SGCD: variants seen among roughly 807,000 people sequenced by gnomAD.
SGCD encodes delta-sarcoglycan.
In SGCD, 18 loss-of-function variants were observed where a neutral mutation model predicts 36.6. The ratio of observed to expected loss-of-function variants is 0.49; its 90% CI spans 0.34 to 0.73. The LOEUF (loss-of-function observed/expected upper bound fraction) is 0.73, where lower values mean the gene tolerates loss of function less well. Among genes scored for constraint, SGCD ranks in the 30% least tolerant of loss-of-function variants. The pLI, the probability that SGCD is intolerant of heterozygous loss-of-function variation, is 0.01. For missense variants in SGCD, 387 were observed against 346.7 expected (o/e 1.12, Z -0.92); for synonymous variants, 133 against 130.6 (o/e 1.02, Z -0.12).
intron 1 of SGCD, among the ~76,000 whole-genome samples, chr5:155,920,276 A>G (rs1756847339): frequency 6.6e-6 from 1 of 152,200 alleles, no homozygotes; most frequent in Non-Finnish European, 1.5e-5. Context: ...AGAATTGACA[A>G]TACTTATTGA....
At chr5:156,598,469 G>T (rs905521708) in intron 6 of SGCD, among the ~76,000 whole-genome samples, 6 of 152,210 alleles carry the variant, frequency 3.9e-5, no homozygotes, top group African/African-American at 1.4e-4. Flanking sequence ...TTGAACCCAG[G>T]TGGTGGAGGT....
chr5:155,948,589 C>T (rs1757487472), intron 1 of SGCD, among the ~76,000 whole-genome samples: 1 of 152,190 alleles, frequency 6.6e-6, no homozygotes, highest in South Asian at 2.1e-4. Context: ...CTCTCTTCTA[C>T]AATAAGCGGC....
chr5:156,268,263 C>A (rs1766054857), intron 3 of SGCD, among the ~76,000 whole-genome samples: 1 of 152,080 alleles, frequency 6.6e-6, no homozygotes, highest in African/African-American at 2.4e-5. Context: ...GATTCCATGT[C>A]TTTGCTATTG....
chr5:156,270,166 T>A (rs538872313), intron 3 of SGCD, among the ~76,000 whole-genome samples: 1 of 152,306 alleles, frequency 6.6e-6, no homozygotes, highest in East Asian at 1.9e-4. Context: ...TTGTTGAAGA[T>A]CAGATGGTCA....
intron 1 of SGCD, among the ~76,000 whole-genome samples, chr5:155,945,230 T>C (rs1757416311): frequency 6.6e-6 from 1 of 152,178 alleles, no homozygotes; most frequent in Admixed American, 6.5e-5. Context: ...ACTAACTGGC[T>C]TGGAGTAGAC....
chr5:156,477,181 G>A (rs1297785193), intron 3 of SGCD, among the ~76,000 whole-genome samples: 4 of 151,884 alleles, frequency 2.6e-5, no homozygotes, highest in Non-Finnish European at 2.9e-5. Context: ...TAGTATTGTC[G>A]AGCCCCATTG....
chr5:156,474,547 C>A (rs568281798), intron 3 of SGCD, among the ~76,000 whole-genome samples: 12 of 152,292 alleles, frequency 7.9e-5, no homozygotes, highest in African/African-American at 2.6e-4. Context: ...CCAAGCTTGC[C>A]GACAGCTCTC....
intron 1 of SGCD, among the ~76,000 whole-genome samples, chr5:156,032,189 C>T (rs1759361766): frequency 6.6e-6 from 1 of 151,250 alleles, no homozygotes; most frequent in Admixed American, 6.6e-5. Flanking sequence ...TGTCAATAAA[C>T]ATACTTCTAC....
At chr5:156,668,315 C>G (rs1364937353) in intron 7 of SGCD, among the ~76,000 whole-genome samples, 1 of 152,216 alleles carries the variant, frequency 6.6e-6, no homozygotes, top group Non-Finnish European at 1.5e-5. Flanking sequence ...TTCCTTTCCT[C>G]TTGTATCCCA....
At chr5:156,691,401 C>T (rs1448234097) in intron 7 of SGCD, among the ~76,000 whole-genome samples, 3 of 152,040 alleles carry the variant, frequency 2.0e-5, no homozygotes, top group Non-Finnish European at 4.4e-5. Flanking sequence ...ATGTAGAGCA[C>T]TTGCATTGCA....
intron 3 of SGCD, among the ~76,000 whole-genome samples, chr5:156,242,329 G>A (rs1226467016): frequency 6.6e-6 from 1 of 152,140 alleles, no homozygotes; most frequent in East Asian, 1.9e-4. Flanking sequence ...AAAGGTGGTG[G>A]TGGTTTAGGA....
intron 3 of SGCD, among the ~76,000 whole-genome samples, chr5:156,469,852 T>C (rs1291666769): frequency 6.6e-6 from 1 of 152,188 alleles, no homozygotes; most frequent in East Asian, 1.9e-4. Context: ...GAAGAAATGC[T>C]ATGAGGGACA....
chr5:156,718,220 G>C (rs1277712348), intron 7 of SGCD, among the ~76,000 whole-genome samples: 1 of 152,012 alleles, frequency 6.6e-6, no homozygotes, highest in Non-Finnish European at 1.5e-5. Context: ...TTTAGCATGA[G>C]GCCTGACATA....
chr5:156,262,923 G>GTGTGTA (rs1765903798), intron 3 of SGCD, among the ~76,000 whole-genome samples: 1 of 145,608 alleles, frequency 6.9e-6, no homozygotes, highest in Non-Finnish European at 1.5e-5. Flanking sequence ...GTGTGTGTGT[G>GTGTGTA]TATACATATA....
At chr5:156,200,784 C>T (rs1162598835) in intron 3 of SGCD, among the ~76,000 whole-genome samples, 2 of 152,140 alleles carry the variant, frequency 1.3e-5, no homozygotes, top group Non-Finnish European at 2.9e-5. Flanking sequence ...GACATATTCA[C>T]ACACCTATGT....
At chr5:155,915,263 G>C (rs576578384) in intron 1 of SGCD, among the ~76,000 whole-genome samples, 1 of 152,208 alleles carries the variant, frequency 6.6e-6, no homozygotes, top group Non-Finnish European at 1.5e-5. Context: ...CTGTATATCT[G>C]TTTATGCACT....
intron 1 of SGCD, among the ~76,000 whole-genome samples, chr5:156,073,524 C>T (rs1228032404): frequency 1.3e-5 from 2 of 152,200 alleles, no homozygotes; most frequent in African/African-American, 4.8e-5. Context: ...GGTTATGCCA[C>T]TGCACTCTAG....
intron 2 of SGCD, among the ~76,000 whole-genome samples, chr5:156,122,386 T>C (rs769196995): frequency 1.3e-5 from 2 of 152,058 alleles, no homozygotes; most frequent in Non-Finnish European, 2.9e-5. Context: ...GACTTTTAAA[T>C]CTAGAGAAAG....
At chr5:156,061,145 G>C (rs1760195463) in intron 1 of SGCD, among the ~76,000 whole-genome samples, 1 of 144,322 alleles carries the variant, frequency 6.9e-6, no homozygotes, top group Admixed American at 6.9e-5. Flanking sequence ...GAGTCTATAA[G>C]ATTTTAACCC....
Sources: allele counts gnomAD v4.1 joint callset (sites outside exome capture counted in the v4.1 genomes callset), GRCh38; gene constraint gnomAD v4.1.1; transcripts MANE v1.5; gene names NCBI Gene and HGNC (gene_info 2026-07-23, HGNC 2026-07-21).